AUTS2: variants seen among roughly 807,000 people sequenced by gnomAD.
The protein encoded by AUTS2 is activator of transcription and developmental regulator AUTS2, also known as autism susceptibility gene 2 protein.
In AUTS2, 17 loss-of-function variants were observed where a neutral mutation model predicts 112.4. The observed-to-expected ratio is 0.15, with a 90% CI of 0.10 to 0.23. The LOEUF (loss-of-function observed/expected upper bound fraction) is 0.23, where lower values mean the gene tolerates loss of function less well. Among genes scored for constraint, AUTS2 ranks in the 10% least tolerant of loss-of-function variants. AUTS2 has a pLI of 1.00. For missense variants in AUTS2, 1,510 were observed against 1,701.6 expected (o/e 0.89, Z 1.98); for synonymous variants, 751 against 702.7 (o/e 1.07, Z -1.09).
chr7:69,643,806 ACCTCC>A (rs1794903415), intron 1 of AUTS2, among the ~76,000 whole-genome samples: 1 of 152,108 alleles, frequency 6.6e-6, no homozygotes, highest in Non-Finnish European at 1.5e-5. Context: ...TGAAGCTCTA[ACCTCC>A]AATGTGATGG....
intron 1 of AUTS2, among the ~76,000 whole-genome samples, chr7:69,860,650 C>A (rs1308143064): frequency 6.6e-6 from 1 of 151,738 alleles, no homozygotes; most frequent in African/African-American, 2.4e-5. Context: ...ATAGCAAACA[C>A]AAGGGCACAT....
chr7:69,865,940 A>T (rs980203726), intron 1 of AUTS2, among the ~76,000 whole-genome samples: 10 of 152,102 alleles, frequency 6.6e-5, no homozygotes, highest in Non-Finnish European at 1.0e-4. Context: ...TACGTTTTCC[A>T]TGTCTTCCTA....
chr7:69,885,229 A>C (rs1163200790), intron 1 of AUTS2, among the ~76,000 whole-genome samples: 1 of 152,164 alleles, frequency 6.6e-6, no homozygotes, highest in Non-Finnish European at 1.5e-5. Context: ...ATTAATATTT[A>C]TTGAGTCACA....
intron 1 of AUTS2, among the ~76,000 whole-genome samples, chr7:69,731,530 T>C (rs944831457): frequency 6.6e-5 from 10 of 152,242 alleles, no homozygotes; most frequent in African/African-American, 2.4e-4. Flanking sequence ...GTAGCTGTTA[T>C]TACTTTTATT....
chr7:70,085,944 A>T (rs1803575975), intron 2 of AUTS2, among the ~76,000 whole-genome samples: 1 of 152,186 alleles, frequency 6.6e-6, no homozygotes, highest in African/African-American at 2.4e-5. Context: ...AATTAAAGGA[A>T]ATGTGACAGA....
chr7:70,413,050 C>T (rs1332508057), intron 4 of AUTS2, among the ~76,000 whole-genome samples: 1 of 152,212 alleles, frequency 6.6e-6, no homozygotes, highest in African/African-American at 2.4e-5. Context: ...CATGCCCTGT[C>T]TGGCACTACT....
At chr7:69,954,528 C>T (rs1797144200) in intron 2 of AUTS2, among the ~76,000 whole-genome samples, 2 of 152,174 alleles carry the variant, frequency 1.3e-5, no homozygotes. Context: ...ACTGTAGGCT[C>T]GAACTCCTGG....
At chr7:70,537,358 C>T (rs1450393874) in intron 5 of AUTS2, among the ~76,000 whole-genome samples, 3 of 152,186 alleles carry the variant, frequency 2.0e-5, no homozygotes, top group Non-Finnish European at 1.5e-5. Flanking sequence ...TTTAGTCTTT[C>T]AGAATTAATT....
At chr7:70,046,623 C>T (rs1163683261) in intron 2 of AUTS2, among the ~76,000 whole-genome samples, 2 of 152,138 alleles carry the variant, frequency 1.3e-5, no homozygotes, top group Non-Finnish European at 2.9e-5. Context: ...AAGAAGGGAG[C>T]TCATTTATTG....
intron 2 of AUTS2, among the ~76,000 whole-genome samples, chr7:69,921,428 C>A (rs1795808611): frequency 6.9e-6 from 1 of 145,514 alleles, no homozygotes; most frequent in South Asian, 2.2e-4. Context: ...AGGAGAAAAC[C>A]AGACATTTAT....
chr7:69,623,954 T>C (rs776052557), intron 1 of AUTS2, among the ~76,000 whole-genome samples: 35 of 152,248 alleles, frequency 2.3e-4, no homozygotes, highest in Non-Finnish European at 1.3e-4. Context: ...TAAGTAAAGG[T>C]TGATGAAACA....
At chr7:69,671,463 A>G (rs1383537225) in intron 1 of AUTS2, among the ~76,000 whole-genome samples, 4 of 107,538 alleles carry the variant, frequency 3.7e-5, no homozygotes, top group Non-Finnish European at 8.4e-5. Context: ...TCAGCACAAA[A>G]TGTTTTGGCT....
intron 6 of AUTS2, among the ~76,000 whole-genome samples, chr7:70,734,508 T>C (rs1787666036): frequency 1.3e-5 from 2 of 151,958 alleles, no homozygotes; most frequent in Non-Finnish European, 1.5e-5. Flanking sequence ...CCCTCCCCCC[T>C]TTTTCTCTCA....
intron 5 of AUTS2, among the ~76,000 whole-genome samples, chr7:70,456,721 G>C (rs1796754778): frequency 6.6e-6 from 1 of 152,242 alleles, no homozygotes; most frequent in Non-Finnish European, 1.5e-5. Context: ...ACTGTGGCTG[G>C]AAGGGGTTCT....
intron 1 of AUTS2, among the ~76,000 whole-genome samples, chr7:69,630,094 C>A (rs905693714): frequency 2.0e-5 from 3 of 151,922 alleles, no homozygotes; most frequent in African/African-American, 7.3e-5. Context: ...CCTGTCTCTA[C>A]TAAAATACAA....
At chr7:70,129,315 G>C (rs142236861) in intron 3 of AUTS2, among the ~76,000 whole-genome samples, 116 of 152,366 alleles carry the variant, frequency 7.6e-4, no homozygotes, top group Middle Eastern at 6.8e-3. Context: ...TTCTCTGGGA[G>C]AGAGTCAGCC....
intron 4 of AUTS2, among the ~76,000 whole-genome samples, chr7:70,350,679 A>G (rs963079746): frequency 6.6e-6 from 1 of 152,182 alleles, no homozygotes; most frequent in African/African-American, 2.4e-5. Context: ...CAGCCAAACC[A>G]TATCAACAGG....
At position 70,736,471 on chromosome 7, in the gene AUTS2, T is replaced by A. The variant is rs182076960; in HGVS notation, c.743-26399T>A. On this transcript the variant is annotated intron_variant, in intron 6 of 18. Transcript: ENST00000342771. ...GGTCAGGTGTAGATATTTTTGTTAC[T>A]TGTTTTCCAAGATCTGTGATGTGGT... is the stretch of plus-strand genomic sequence containing the variant. 1.3e-3 allele frequency among the ~76,000 whole-genome samples: 200 copies of A among 152,266 alleles called. 1 individual carries two copies. Among genetic ancestry groups the A allele is most frequent in the East Asian group, 5.6e-3 (29 of 5,182 alleles).
chr7:70,513,178 G>A (rs929549414), intron 5 of AUTS2, among the ~76,000 whole-genome samples: 11 of 152,146 alleles, frequency 7.2e-5, no homozygotes, highest in Non-Finnish European at 7.3e-5. Context: ...GACAACTTGG[G>A]TTGTGTAAAA....
Sources: allele counts gnomAD v4.1 joint callset (sites outside exome capture counted in the v4.1 genomes callset), GRCh38; gene constraint gnomAD v4.1.1; transcripts MANE v1.5; gene names NCBI Gene and HGNC (gene_info 2026-07-23, HGNC 2026-07-21).